Variants in SLC12A7 observed in about 807,000 individuals in gnomAD.
SLC12A7 encodes solute carrier family 12 member 7.
A neutral mutation model predicts 120.6 loss-of-function variants in SLC12A7; 100 were observed. The ratio of observed to expected loss-of-function variants is 0.83; its 90% CI spans 0.71 to 0.98. The LOEUF is 0.98. Among genes scored for constraint, SLC12A7 ranks in the 50% least tolerant of loss-of-function variants. SLC12A7 has a pLI of 0.00. For missense variants in SLC12A7, 1,373 were observed against 1,548.1 expected (o/e 0.89, Z 1.90); for synonymous variants, 760 against 678.0 (o/e 1.12, Z -1.88).
intron 20 of SLC12A7, among the ~76,000 whole-genome samples, chr5:1,063,165 G>A (rs1305529043): frequency 6.6e-6 from 1 of 152,212 alleles, no homozygotes; most frequent in Admixed American, 6.5e-5. Context: ...CAGGCGTGAA[G>A]GACGGGACGA....
the SLC12A7 span, among the ~76,000 whole-genome samples, chr5:1,145,403 G>A: frequency 5.9e-5 from 9 of 152,198 alleles, no homozygotes; most frequent in African/African-American, 1.7e-4. This position sits in a 1 kb window ranked among gnomAD's most constrained non-coding sequence, Gnocchi z 4.4. Context: ...AGTGCCCAGC[G>A]GGGTAATTGC....
Position 1,060,459 on chromosome 5 carries a change from G to T in SLC12A7, c.2740-8C>A. On this transcript the variant is annotated splice_polypyrimidine_tract_variant and splice_region_variant and intron_variant, in intron 20 of 23. Coordinates refer to ENST00000264930, the MANE Select transcript of SLC12A7 (RefSeq NM_006598.3). Reference sequence around the variant, plus strand: ...AGATATGTCGTTTTCAACCTAGAAAGTTCCCAAGCACGTAGTAAGCCCGGT... The same window carrying T: ...AGATATGTCGTTTTCAACCTAGAAATTTCCCAAGCACGTAGTAAGCCCGGT... The T allele has an allele frequency of 6.2e-7, 1 of 1,606,304 alleles. No homozygotes were observed.
intron 3 of SLC12A7, among the ~76,000 whole-genome samples, chr5:1,092,136 A>T (rs1740595571): frequency 6.6e-6 from 1 of 152,266 alleles, no homozygotes; most frequent in Admixed American, 6.5e-5. Flanking sequence ...GGCTTCTCAA[A>T]AACAAAACCA....
chr5:1,143,734 T>G, the SLC12A7 span, among the ~76,000 whole-genome samples: 4 of 152,182 alleles, frequency 2.6e-5, no homozygotes, highest in African/African-American at 9.7e-5. Flanking sequence ...ACATGTGACC[T>G]GCCCAGTCCC....
At chr5:1,152,438 C>T in the SLC12A7 span, among the ~76,000 whole-genome samples, 1 of 152,236 alleles carries the variant, frequency 6.6e-6, no homozygotes, top group Non-Finnish European at 1.5e-5. Context: ...CTGCCTGTGC[C>T]CGTGGGCTCA....
chr5:1,136,136 AGGAG>A, the SLC12A7 span, among the ~76,000 whole-genome samples: 1 of 152,172 alleles, frequency 6.6e-6, no homozygotes, highest in Admixed American at 6.5e-5. Context: ...AGGCCACAGG[AGGAG>A]GGAGAATCGT....
At position 1,081,494 on chromosome 5, in the gene SLC12A7, C is replaced by T. The variant is rs1356410511; in HGVS notation, c.1297+83G>A. ...CCGTGATCACACCACTGCCCTCCAG[C>T]CTGGGTGACAGAGCAAGACCTTGCC... is the stretch of plus-strand genomic sequence containing the variant. On this transcript the variant is annotated intron_variant, in intron 9 of 23. Coordinates refer to ENST00000264930, the MANE Select transcript of SLC12A7 (RefSeq NM_006598.3). 11 of 1,435,506 alleles carry T rather than the reference C, an allele frequency of 7.7e-6. No individual in the cohort carries two copies. In the East Asian group the frequency reaches 2.6e-4, roughly 33 times the overall value. The allele number at this position is 1,435,506 out of a possible 1,614,324, so 88.9% of individuals were successfully genotyped here. A position where few individuals can be genotyped will look rare whatever the true frequency, so the allele number is the denominator to read the frequency against.
chr5:1,087,328 G>T (rs183929573), intron 5 of SLC12A7, among the ~76,000 whole-genome samples: 2 of 152,314 alleles, frequency 1.3e-5, no homozygotes, highest in African/African-American at 4.8e-5. Context: ...CCCAGAAAAA[G>T]TCCCGCGTAC....
rs1738383587 is a variant in SLC12A7 at position 1,076,685 on chromosome 5, G to A, written c.1748+9C>T. ...CCCATCCCCAGGTCCCCGTCCTGTG[G>A]GGGCTCACATGGAGAGGATCGGGGC... On this transcript the variant is annotated intron_variant, in intron 13 of 23. Coordinates refer to ENST00000264930, the MANE Select transcript of SLC12A7 (RefSeq NM_006598.3). 1.9e-6 allele frequency: 3 copies of A among 1,603,052 alleles called. No individual in the cohort carries two copies. The highest frequency in any genetic ancestry group is 2.6e-6 in the Non-Finnish European group (3 of 1,173,530).
chr5:1,064,779 C>T (rs1485246105), intron 18 of SLC12A7, among the ~76,000 whole-genome samples: 9 of 143,506 alleles, frequency 6.3e-5, no homozygotes, highest in Non-Finnish European at 1.1e-4. Flanking sequence ...AGCAAGGGGA[C>T]GGTGAGGGGA....
In SLC12A7 at chr5:1,084,918, A is replaced by C. The variant is rs1391942058; in HGVS notation, c.917+314T>G. 4.6e-5 allele frequency among the ~76,000 whole-genome samples: 7 copies of C among 152,092 alleles called. 1 individual carries two copies. The highest frequency in any genetic ancestry group is 1.4e-4 in the African/African-American group (6 of 41,422). ...CCCAGCAGCAGCCAGGGCCACACCC[A>C]TGACGCTCACTGCACCTGACCGTGC... On this transcript the variant is annotated intron_variant, in intron 7 of 23. Transcript: ENST00000264930.
rs755443015 is a variant in SLC12A7 at position 1,073,821 on chromosome 5, G to C, written c.2073-20C>G. 2.2e-6 allele frequency: 3 copies of C among 1,394,322 alleles called. No homozygotes were observed. The African/African-American group carries it at 4.5e-5, about 21-fold the overall frequency. 86.4% of individuals were successfully genotyped at this position (1,394,322 alleles called of 1,614,324 possible). On this transcript the variant is annotated intron_variant, in intron 16 of 23. Coordinates refer to ENST00000264930, the MANE Select transcript of SLC12A7 (RefSeq NM_006598.3). The stretch of plus-strand genomic sequence containing the variant: ...TGGGGCCTGCAGCCAGGGTGGGGCG[G>C]CTGTTACCACGGCAACGCTTACCAG...
At chr5:1,064,598 A>G (rs1041307826) in intron 18 of SLC12A7, among the ~76,000 whole-genome samples, 9 of 152,322 alleles carry the variant, frequency 5.9e-5, no homozygotes, top group Non-Finnish European at 1.2e-4. Flanking sequence ...GGGACCTGAC[A>G]GCGCACAGGC....
At chr5:1,055,316 C>G (rs1001711214) in intron 22 of SLC12A7, among the ~76,000 whole-genome samples, 4 of 152,242 alleles carry the variant, frequency 2.6e-5, no homozygotes, top group African/African-American at 9.6e-5. Flanking sequence ...CACTAACGTA[C>G]GTGGACGTGC....
At chr5:1,119,113 G>C in the SLC12A7 span, among the ~76,000 whole-genome samples, 1 of 152,244 alleles carries the variant, frequency 6.6e-6, no homozygotes, top group Non-Finnish European at 1.5e-5. Flanking sequence ...GATGAGAGCC[G>C]ACACAGGCAG....
chr5:1,052,135 A>T lies in SLC12A7; in HGVS notation c.*225T>A. On this transcript the variant is annotated 3_prime_UTR_variant, in exon 24 of 24. Transcript: ENST00000264930. ...GTAGCAGCGTCTGCCCTCAGATGCAAGGAAATCGTCCAGCCACGCCCTGAT... is the reference window on the plus strand; with the variant it reads ...GTAGCAGCGTCTGCCCTCAGATGCATGGAAATCGTCCAGCCACGCCCTGAT... The T allele has an allele frequency of 1.7e-6, 1 of 577,118 alleles. No homozygotes were observed. Among genetic ancestry groups the T allele is most frequent in the Non-Finnish European group, 3.1e-6 (1 of 323,212 alleles). 35.7% of individuals were successfully genotyped at this position (577,118 alleles called of 1,614,324 possible).
At chr5:1,130,804 AGAG>A in the SLC12A7 span, among the ~76,000 whole-genome samples, 9 of 152,202 alleles carry the variant, frequency 5.9e-5, no homozygotes, top group Non-Finnish European at 1.2e-4. Flanking sequence ...AGAAGCGGAA[AGAG>A]GAGGAGGCTG....
chr5:1,059,055 G>A (rs549586170), intron 21 of SLC12A7, among the ~76,000 whole-genome samples: 2 of 152,228 alleles, frequency 1.3e-5, no homozygotes, highest in Non-Finnish European at 2.9e-5. Flanking sequence ...TTCCTAGCTG[G>A]ACCCGGGCTG....
intron 1 of SLC12A7, among the ~76,000 whole-genome samples, chr5:1,106,514 C>T (rs1742543922): frequency 6.6e-6 from 1 of 152,134 alleles, no homozygotes; most frequent in Admixed American, 6.5e-5. Context: ...CAGGAGAGCC[C>T]TCCGGGCAGC....
Sources: gnomAD v4.1 joint callset for allele counts (sites outside exome capture counted in the v4.1 genomes callset) on GRCh38, gnomAD v4.1.1 for gene constraint, Gnocchi (gnomAD v3.1) non-coding constraint, MANE v1.5 for transcripts, NCBI Gene and HGNC (gene_info 2026-07-23, HGNC 2026-07-21) for gene names.